FRMD3: variants seen among roughly 807,000 people sequenced by gnomAD.
The protein encoded by FRMD3 is FERM domain containing 3.
A neutral mutation model predicts 70.2 loss-of-function variants in FRMD3; 33 were observed. The observed-to-expected ratio is 0.47, with a 90% CI of 0.36 to 0.63. The LOEUF is 0.63. Among genes scored for constraint, FRMD3 ranks in the 20% least tolerant of loss-of-function variants. FRMD3 has a pLI of 0.00. For synonymous variants in FRMD3, 279 were observed against 255.9 expected (o/e 1.09, Z -0.86); for missense variants, 632 against 711.4 (o/e 0.89, Z 1.27).
intron 1 of FRMD3, among the ~76,000 whole-genome samples, chr9:83,476,884 T>A (rs191648544): frequency 6.6e-6 from 1 of 152,212 alleles, no homozygotes; most frequent in Non-Finnish European, 1.5e-5. Flanking sequence ...ATTTAGGTAA[T>A]TTTTTGGTGA....
intron 1 of FRMD3, among the ~76,000 whole-genome samples, chr9:83,446,948 C>T (rs924981213): frequency 2.0e-5 from 3 of 152,208 alleles, no homozygotes; most frequent in African/African-American, 7.2e-5. Context: ...CACCACTCAT[C>T]AACCTCAAAG....
intron 1 of FRMD3, among the ~76,000 whole-genome samples, chr9:83,406,879 C>T (rs749949902): frequency 9.9e-5 from 15 of 152,118 alleles, no homozygotes; most frequent in Non-Finnish European, 2.1e-4. Flanking sequence ...ATTTATTTTC[C>T]ATATTTTCCT....
chr9:83,451,828 A>T (rs1827667198), intron 1 of FRMD3, among the ~76,000 whole-genome samples: 1 of 152,256 alleles, frequency 6.6e-6, no homozygotes. Flanking sequence ...AACTATTAAT[A>T]ATCTAACAAT....
At chr9:83,334,996 T>C (rs540188944) in intron 6 of FRMD3, among the ~76,000 whole-genome samples, 6 of 152,180 alleles carry the variant, frequency 3.9e-5, no homozygotes, top group Admixed American at 1.3e-4. Flanking sequence ...GAATGCTCTA[T>C]GCAATTTTGC....
chr9:83,388,942 CT>C (rs554000690), intron 2 of FRMD3, among the ~76,000 whole-genome samples: 2,772 of 117,066 alleles, frequency 0.024, 30 homozygotes, highest in African/African-American at 0.078. Context: ...CTACCAATAG[CT>C]TTTTTTTTTT....
At chr9:83,539,292 C>T (rs1022270629), upstream of FRMD3, among the ~76,000 whole-genome samples, 1 of 152,204 alleles carries the variant, frequency 6.6e-6, no homozygotes, top group Non-Finnish European at 1.5e-5. Flanking sequence ...AGGTATCCTG[C>T]CTCTCTGTTG....
At chr9:83,536,900 C>T (rs1197916707) in intron 1 of FRMD3, among the ~76,000 whole-genome samples, 5 of 135,928 alleles carry the variant, frequency 3.7e-5, no homozygotes, top group Non-Finnish European at 7.6e-5. Flanking sequence ...TCACCTCCCA[C>T]TGACATGGGT....
At chr9:83,314,978 T>G (rs1197256601) in intron 6 of FRMD3, among the ~76,000 whole-genome samples, 1 of 152,214 alleles carries the variant, frequency 6.6e-6, no homozygotes, top group Non-Finnish European at 1.5e-5. Flanking sequence ...CTCTGAATTA[T>G]TTCTTAATTC....
intron 6 of FRMD3, chr9:83,332,001 G>A (rs1823391898): frequency 1.5e-6 from 1 of 666,314 alleles, no homozygotes; most frequent in Admixed American, 2.4e-5. Context: ...CTCAACATCT[G>A]GCAAATCCAA....
At chr9:83,291,255 ACTGGCCATGGCTCTGTTTTCTC>A (rs1834408286) in intron 12 of FRMD3, among the ~76,000 whole-genome samples, 1 of 152,328 alleles carries the variant, frequency 6.6e-6, no homozygotes, top group South Asian at 2.1e-4. Flanking sequence ...CTACTCACTA[ACTGGCCATGGCTCTGTTTTCTC>A]CTCTGGAAAG....
rs138140288 is a variant in FRMD3, at chr9:83,286,700, A to T, written c.1195+3903T>A. On this transcript the variant is annotated intron_variant, in intron 13 of 13. Transcript: ENST00000304195. ...CCGTTTACAAATCTAGTTCCAAAAT[A>T]TGTGATTTGAAACCCCCAGACAAGA... 1.3e-3 allele frequency among the ~76,000 whole-genome samples: 196 copies of T among 152,316 alleles called. 1 individual carries two copies. The highest frequency in any genetic ancestry group is 4.4e-3 in the African/African-American group (181 of 41,570).
intron 1 of FRMD3, among the ~76,000 whole-genome samples, chr9:83,496,072 A>C (rs1828935587): frequency 6.6e-6 from 1 of 152,240 alleles, no homozygotes; most frequent in East Asian, 1.9e-4. Context: ...TTACACTAGC[A>C]TAATGAATTA....
the FRMD3 span, among the ~76,000 whole-genome samples, chr9:83,554,051 T>C: frequency 6.6e-6 from 1 of 152,222 alleles, no homozygotes; most frequent in Non-Finnish European, 1.5e-5. Context: ...ATGTTTTCAC[T>C]GGGCCAAGGT....
In FRMD3 at chr9:83,389,617, G is replaced by T. The variant is rs1182317602; in HGVS notation, c.239C>A (p.Pro80Gln). The change falls in exon 2 of 14, where the codon CCA becomes CAA. Residue 80 changes from proline to glutamine, a missense_variant. By Grantham distance (76) the Pro-to-Gln change is moderately conservative. Around this residue, in one of 3 missense-constraint regions of FRMD3, gnomAD observed 208 missense variants for 247.7 expected, o/e 0.84. Transcript: ENST00000304195. ...KDYFGIRYVD[P>Q]EKQRHWLEPN... ...ATCAGCTCTTACCCTTTGCTTCTCT[G>T]GGTCCACATAGCGAATGCCAAAGTA... 1.2e-6 allele frequency: 2 copies of T among 1,612,374 alleles called. No individual in the cohort carries two copies. Among genetic ancestry groups the T allele is most frequent in the South Asian group, 2.2e-5 (2 of 91,046 alleles).
intron 13 of FRMD3, among the ~76,000 whole-genome samples, chr9:83,272,005 A>G (rs981827705): frequency 6.6e-6 from 1 of 152,200 alleles, no homozygotes; most frequent in East Asian, 1.9e-4. Context: ...AAGGAAAGCC[A>G]ACAAGCATGA....
the FRMD3 span, among the ~76,000 whole-genome samples, chr9:83,554,548 A>G: frequency 6.6e-6 from 1 of 152,212 alleles, no homozygotes; most frequent in African/African-American, 2.4e-5. Flanking sequence ...TTGTCTGGTG[A>G]CAAGCCATGG....
At chr9:83,311,070 T>C (rs1185130250) in intron 8 of FRMD3, among the ~76,000 whole-genome samples, 2 of 152,146 alleles carry the variant, frequency 1.3e-5, no homozygotes, top group South Asian at 2.1e-4. Flanking sequence ...CCGGTTTAAA[T>C]AGAAACATGT....
Position 83,248,260 on chromosome 9 carries a change from C to T in FRMD3, c.1452G>A (p.Glu484=). 6.2e-7 allele frequency: 1 copy of T among 1,614,158 alleles called. No individual in the cohort carries two copies. Among genetic ancestry groups the T allele is most frequent in the South Asian group, 1.1e-5 (1 of 91,076 alleles). ...AGGCGTTTTCATCTGCTTCCAGATC[C>T]TCAAATGAATCTGTGTCTTCTCTTT... The part of the protein sequence containing the change: ...ELEREDTDSF[E]DLEADENAFL... The change falls in exon 14 of 14, where the codon GAG becomes GAA. Residue 484 remains glutamate (E), a synonymous_variant. Transcript: ENST00000304195.
rs144413981 is a variant in FRMD3, at chr9:83,336,313, T to C, written c.473-674A>G. Among the ~76,000 whole-genome samples the C allele has an allele frequency of 3.4e-3, 510 of 152,102 alleles. 5 individuals are homozygous for C. Among genetic ancestry groups the C allele is most frequent in the African/African-American group, 0.012 (496 of 41,490 alleles). ...TTGTATACCATAAATATATATAATG[T>C]TTATTGATTTAAAATGTTTTACATT... On this transcript the variant is annotated intron_variant, in intron 5 of 13. Transcript: ENST00000304195.
Sources: allele counts gnomAD v4.1 joint callset (sites outside exome capture counted in the v4.1 genomes callset), GRCh38; gene constraint gnomAD v4.1.1; regional missense constraint gnomAD v4.1.1; transcripts MANE v1.5; gene names NCBI Gene and HGNC (gene_info 2026-07-23, HGNC 2026-07-21).